The following KLHDC4 variants were observed in gnomAD, a reference collection of about 807,000 sequenced individuals.
The protein encoded by KLHDC4 is kelch domain containing 4.
A neutral mutation model predicts 62.4 loss-of-function variants in KLHDC4; 90 were observed. The ratio of observed to expected loss-of-function variants is 1.44; its 90% CI spans 1.22 to 1.72. KLHDC4 has a LOEUF of 1.72. Among genes scored for constraint, KLHDC4 ranks in the 40% most tolerant of loss-of-function variants. The pLI, the probability that KLHDC4 is intolerant of heterozygous loss-of-function variation, is 0.00. For synonymous variants in KLHDC4, 386 were observed against 284.4 expected (o/e 1.36, Z -3.59); for missense variants, 1,025 against 699.7 (o/e 1.47, Z -5.25).
intron 5 of KLHDC4, among the ~76,000 whole-genome samples, chr16:87,737,313 G>A (rs900072094): frequency 1.3e-5 from 2 of 149,666 alleles, no homozygotes; most frequent in African/African-American, 4.9e-5. Context: ...CTAGGCCAGG[G>A]GCGGTGGCTC....
chr16:87,722,447 T>G (rs1388944299), intron 7 of KLHDC4, among the ~76,000 whole-genome samples: 2 of 151,388 alleles, frequency 1.3e-5, no homozygotes, highest in Admixed American at 1.3e-4. Flanking sequence ...ACTGTCCACT[T>G]CATGAACCCG....
intron 7 of KLHDC4, among the ~76,000 whole-genome samples, chr16:87,725,083 C>T (rs1413568970): frequency 8.8e-6 from 1 of 113,444 alleles, no homozygotes; most frequent in Non-Finnish European, 1.8e-5. Context: ...AAGACTGGCC[C>T]CACACATCTG....
In KLHDC4 at chr16:87,714,375, C is replaced by A. The variant is rs2036509175; in HGVS notation, c.835+123G>T. On this transcript the variant is annotated intron_variant, in intron 8 of 11. Transcript: ENST00000270583. ...CCCCGAAATGAGCCATCTCGGCAGG[C>A]CCTCCGCTCCGGGCAGGGTGCAGGG... The A allele has an allele frequency of 6.2e-6, 4 of 646,956 alleles. No homozygotes were observed. The South Asian group carries it at 1.4e-4, about 22-fold the overall frequency. 40.1% of individuals were successfully genotyped at this position (646,956 alleles called of 1,614,324 possible). A position where few individuals can be genotyped will look rare whatever the true frequency, so the allele number is the denominator to read the frequency against.
At chr16:87,741,155 G>A (rs1481629166) in intron 5 of KLHDC4, among the ~76,000 whole-genome samples, 1 of 152,214 alleles carries the variant, frequency 6.6e-6, no homozygotes, top group Non-Finnish European at 1.5e-5. Context: ...CCTGTCTGTT[G>A]CTAGAATGGA....
intron 3 of KLHDC4, 34 bp downstream of exon 3, chr16:87,756,365 A>G: frequency 6.8e-7 from 1 of 1,467,762 alleles, no homozygotes; most frequent in South Asian, 1.1e-5. Context: ...TACTCACGCA[A>G]CATGGGAAGA....
exon 1 of KLHDC4, chr16:87,701,945 G>C (rs1398771246): frequency 2.0e-5 from 9 of 456,268 alleles, no homozygotes; most frequent in South Asian, 1.1e-4. Context: ...GTGGTAGATG[G>C]GGCTCTGCTC....
chr16:87,727,020 C>A, intron 6 of KLHDC4, 96 bp from the exon 7 acceptor site: 1 of 1,352,682 alleles, frequency 7.4e-7, no homozygotes, highest in Non-Finnish European at 1.0e-6. Flanking sequence ...AAATTTCCTA[C>A]TGTTTGGGGA....
At chr16:87,749,770 G>C (rs550191913) in intron 4 of KLHDC4, among the ~76,000 whole-genome samples, 1 of 151,918 alleles carries the variant, frequency 6.6e-6, no homozygotes, top group African/African-American at 2.4e-5. Context: ...TGCAGCAATG[G>C]CGTCTACGCT....
chr16:87,701,659 C>T (rs528406720), exon 1 of KLHDC4: 22 of 455,282 alleles, frequency 4.8e-5, no homozygotes, highest in Non-Finnish European at 6.6e-5. Context: ...TCGTCCGCCT[C>T]GTCCACTCCT....
chr16:87,744,199 TG>T (rs1433870797), intron 5 of KLHDC4, among the ~76,000 whole-genome samples: 3 of 152,074 alleles, frequency 2.0e-5, no homozygotes, highest in African/African-American at 7.2e-5. Flanking sequence ...GGGGATCACC[TG>T]AGGTCAGGAG....
At chr16:87,727,829 T>G (rs2039643459) in intron 6 of KLHDC4, among the ~76,000 whole-genome samples, 1 of 152,204 alleles carries the variant, frequency 6.6e-6, no homozygotes, top group Non-Finnish European at 1.5e-5. Context: ...TGTTTGTTCC[T>G]GTTTTGTGTG....
At chr16:87,707,655 C>T (rs968312886), downstream of KLHDC4, among the ~76,000 whole-genome samples, 5 of 152,140 alleles carry the variant, frequency 3.3e-5, no homozygotes, top group African/African-American at 7.2e-5. Flanking sequence ...TCCGGGGTTT[C>T]GGGCACAGAA....
intron 8 of KLHDC4, among the ~76,000 whole-genome samples, chr16:87,712,518 G>A (rs1261317049): frequency 1.3e-5 from 2 of 152,210 alleles, no homozygotes; most frequent in Non-Finnish European, 2.9e-5. Flanking sequence ...CCTCCTGGGG[G>A]CTGACGAGCA....
exon 1 of KLHDC4, chr16:87,701,798 C>G (rs1303181426): frequency 4.4e-6 from 2 of 456,792 alleles, no homozygotes; most frequent in Admixed American, 2.3e-5. Flanking sequence ...CCCGTCTGTG[C>G]CCCATGGGAC....
downstream of KLHDC4, among the ~76,000 whole-genome samples, chr16:87,706,090 C>T (rs948126807): frequency 6.3e-5 from 8 of 127,736 alleles, no homozygotes; most frequent in East Asian, 5.5e-4. Flanking sequence ...GTAGCCCTTG[C>T]GGGGGGCGGG....
intron 8 of KLHDC4, among the ~76,000 whole-genome samples, chr16:87,712,422 A>G (rs1428684299): frequency 1.3e-5 from 2 of 152,234 alleles, no homozygotes; most frequent in African/African-American, 2.4e-5. Flanking sequence ...GAAGACCACC[A>G]CAAGAACTCG....
intron 5 of KLHDC4, chr16:87,747,798 C>G (rs747397913): frequency 1.3e-5 from 2 of 152,340 alleles, no homozygotes; most frequent in South Asian, 4.1e-4. Flanking sequence ...AGAAAACACC[C>G]GGAACTGGCT....
At chr16:87,709,896 AC>A (rs148628273) in intron 9 of KLHDC4, 3 of 503,836 alleles carry the variant, frequency 6.0e-6, no homozygotes, top group Admixed American at 3.5e-5. Flanking sequence ...GGGGCAGAAA[AC>A]CCCCCACTGC....
chr16:87,701,555 C>T (rs1199817539), exon 1 of KLHDC4: 2 of 402,334 alleles, frequency 5.0e-6, no homozygotes, highest in African/African-American at 4.1e-5. Flanking sequence ...TGAGCTCACC[C>T]CATGTGTAGC....
Sources: allele counts gnomAD v4.1 joint callset (sites outside exome capture counted in the v4.1 genomes callset), GRCh38; gene constraint gnomAD v4.1.1; transcripts MANE v1.5; gene names NCBI Gene and HGNC (gene_info 2026-07-23, HGNC 2026-07-21).